The following CCDC14 variants were observed in gnomAD, a reference collection of about 807,000 sequenced individuals.
The protein encoded by CCDC14 is coiled-coil domain containing 14, also known as coiled-coil domain-containing protein 14.
In CCDC14, 71 loss-of-function variants were observed where a neutral mutation model predicts 81.4. The observed-to-expected ratio is 0.87, with a 90% confidence interval of 0.72 to 1.06. CCDC14 has a LOEUF of 1.06. Among genes scored for constraint, CCDC14 ranks in the 50% least tolerant of loss-of-function variants. The probability of loss-of-function intolerance (pLI) is 0.00; values close to 1 mark genes in which losing one functional copy is unlikely to be tolerated. For missense variants in CCDC14, 1,046 were observed against 1,047.3 expected (o/e 1.00, Z 0.02); for synonymous variants, 332 against 364.8 (o/e 0.91, Z 1.03).
At position 123,914,881 on chromosome 3, in the gene CCDC14, G is replaced by C. The variant is rs760018945; in HGVS notation, c.2616C>G (p.Phe872Leu). Reference sequence around the variant, plus strand: ...TGAAGTCTTGTTCATCACGAGAAGTGAACGTTGAAAACGAAGAGATGCTCC... The same window carrying C: ...TGAAGTCTTGTTCATCACGAGAAGTCAACGTTGAAAACGAAGAGATGCTCC... ...SDWSISSFSTFTSRDEQDFRN... is the reference protein window; with the variant it reads ...SDWSISSFSTLTSRDEQDFRN... The change falls in exon 13 of 13, where the codon TTC (phenylalanine) becomes TTG (leucine). Residue 872 changes from phenylalanine to leucine, a missense_variant. Phe to Leu is a conservative substitution (Grantham distance 22). Transcript: ENST00000409697. The C allele has an allele frequency of 1.9e-5, 30 of 1,613,396 alleles. No homozygotes were observed. The highest frequency in any genetic ancestry group is 2.4e-5 in the Non-Finnish European group (28 of 1,179,706).
In CCDC14 at chr3:123,933,809, T is replaced by C. The variant is rs181151838; in HGVS notation, c.1344-54A>G. 2.9e-3 allele frequency: 3,459 copies of C among 1,177,496 alleles called. 16 individuals carry two copies. Among genetic ancestry groups the C allele is most frequent in the Non-Finnish European group, 2.5e-3 (2,041 of 808,904 alleles). The allele number at this position is 1,177,496 out of a possible 1,614,324, so 72.9% of individuals were successfully genotyped here. A position where few individuals can be genotyped will look rare whatever the true frequency, so the allele number is the denominator to read the frequency against. ...CAAGCATACCAAGCCAATTTAATAG[T>C]ATACATGTGATAGCCTATCAAAAAA... On this transcript the variant is annotated intron_variant, in intron 9 of 12. Coordinates refer to ENST00000409697, the MANE Select transcript of CCDC14 (RefSeq NM_001366335.1).
intron 12 of CCDC14, among the ~76,000 whole-genome samples, chr3:123,923,155 A>C (rs2035152375): frequency 6.6e-6 from 1 of 152,158 alleles, no homozygotes; most frequent in African/African-American, 2.4e-5. Flanking sequence ...GATATACCAC[A>C]TTAACAGAAT....
intron 12 of CCDC14, among the ~76,000 whole-genome samples, chr3:123,925,815 G>A (rs2035329089): frequency 6.6e-6 from 1 of 152,196 alleles, no homozygotes; most frequent in South Asian, 2.1e-4. Flanking sequence ...TACAATAAGT[G>A]AGATGATGGA....
At chr3:123,915,783 T>G in intron 12 of CCDC14, 65 bp from the exon 13 acceptor site, 3 of 1,190,030 alleles carry the variant, frequency 2.5e-6, no homozygotes, top group African/African-American at 1.5e-5. Flanking sequence ...CACTTATCTA[T>G]ACCTCCATCT....
At chr3:123,955,557 G>A (rs966709066) in intron 5 of CCDC14, 3 of 193,738 alleles carry the variant, frequency 1.5e-5, no homozygotes, top group Admixed American at 6.0e-5. Context: ...CAAGTGGCAG[G>A]GGAAACTAAG....
At chr3:123,933,490 G>T in intron 10 of CCDC14, 183 bp downstream of exon 10, 1 of 576,432 alleles carries the variant, frequency 1.7e-6, no homozygotes, top group Non-Finnish European at 3.1e-6. Flanking sequence ...ACACACTCCT[G>T]TATTTCAAAA....
At position 123,915,021 on chromosome 3, in the gene CCDC14, G is replaced by A; in HGVS notation, c.2476C>T (p.Pro826Ser). ...CCATGACATGCAGTTTGTTCCTCTG[G>A]CTCCTTGGTGGCAGCAGGGATCTTA... The part of the protein sequence containing the change: ...IGKIPAATKE[P>S]EEQTACHGPS... The change falls in exon 13 of 13, where the codon CCA becomes TCA. Residue 826 changes from proline (P) to serine (S), a missense_variant. Transcript: ENST00000409697. 1.2e-6 allele frequency: 2 copies of A among 1,613,878 alleles called. No individual in the cohort carries two copies. Among genetic ancestry groups the A allele is most frequent in the East Asian group, 2.2e-5 (1 of 44,898 alleles).
At position 123,915,648 on chromosome 3, in the gene CCDC14, T is replaced by G; in HGVS notation, c.1849A>C (p.Asn617His). 6.2e-7 allele frequency: 1 copy of G among 1,614,004 alleles called. No homozygotes were observed. Among genetic ancestry groups the G allele is most frequent in the Non-Finnish European group, 8.5e-7 (1 of 1,179,888 alleles). ...TTCAAGAGTGATTTGGTAAGGTTAT[T>G]CCCAGGCTTGCAGCGAGCACTGTCC... Reference protein sequence around the residue: ...SVDSARCKPGNNLTKSLLNIH... With the variant: ...SVDSARCKPGHNLTKSLLNIH... Residue 617 changes from asparagine (N) to histidine (H), a missense_variant, in exon 13 of 13, where the codon AAT becomes CAT. By Grantham distance (68) the Asn-to-His change is moderately conservative (BLOSUM62 1). Transcript: ENST00000409697.
chr3:123,897,705 C>T (rs2034095498), intron 5 of CCDC14: 3 of 581,422 alleles, frequency 5.2e-6, no homozygotes, highest in South Asian at 4.5e-5. Context: ...CCTTCATATT[C>T]TACTTTTATA....
At chr3:123,931,272 A>G in intron 11 of CCDC14, 36 bp downstream of exon 11, 1 of 1,582,808 alleles carries the variant, frequency 6.3e-7, no homozygotes, top group Non-Finnish European at 8.6e-7. Context: ...TATTCCTTTT[A>G]AAAGATGTGA....
At chr3:123,956,609 GA>G (rs1278670097) in intron 2 of CCDC14, 130 bp downstream of exon 2, 4 of 779,352 alleles carry the variant, frequency 5.1e-6, no homozygotes, top group African/African-American at 1.8e-5. Context: ...GGGTAGACAT[GA>G]AAAATTGTTC....
chr3:123,898,118 C>T (rs1001813786), intron 5 of CCDC14, among the ~76,000 whole-genome samples: 2 of 152,166 alleles, frequency 1.3e-5, no homozygotes, highest in Non-Finnish European at 2.9e-5. Flanking sequence ...TTAGTGTGAA[C>T]ATCTGAGTCA....
rs533103763 is a variant in CCDC14, at chr3:123,906,111, T to C, written c.668-8498A>G. Among the ~76,000 whole-genome samples, 5 of 152,058 alleles carry C rather than the reference T, an allele frequency of 3.3e-5. No homozygotes were observed. In the East Asian group the frequency reaches 9.7e-4, roughly 30 times the overall value. ...TTGGGAGGCCAAGGCGGGTGGATCA[T>C]GAGGTCAGGAGATCGAGACCATCCT... On this transcript the variant is annotated intron_variant, in intron 5 of 5. Transcript: ENST00000479903.
rs149651238 is a variant in CCDC14, at chr3:123,933,728, G to A, written c.1371C>T (p.Leu457=). 666 of 1,572,198 alleles carry A rather than the reference G, an allele frequency of 4.2e-4. 1 individual carries two copies. The African/African-American group carries it at 8.4e-3, about 20-fold the overall frequency. ...RRQLRILNQQ[L]REQQKTQKPS... ...GTTTTTGAGTTTTCTGTTGTTCTCT[G>A]AGTTGCTGGTTCAAAATTCTCAACT... The change falls in exon 10 of 13, where the codon CTC becomes CTT. Residue 457 remains leucine (L), a synonymous_variant. Coordinates refer to ENST00000409697, the MANE Select transcript of CCDC14 (RefSeq NM_001366335.1).
the CCDC14 span, among the ~76,000 whole-genome samples, chr3:123,891,320 T>G: frequency 5.9e-5 from 9 of 152,238 alleles, no homozygotes; most frequent in African/African-American, 2.2e-4. Context: ...GCAGCAGGCT[T>G]GAATTTCTCC....
intron 12 of CCDC14, among the ~76,000 whole-genome samples, chr3:123,917,388 G>A (rs1278585385): frequency 4.0e-5 from 6 of 151,124 alleles, no homozygotes; most frequent in Non-Finnish European, 7.4e-5. Context: ...CCAGCTGCTC[G>A]GCAGGCTGAG....
chr3:123,885,489 T>TA, the CCDC14 span, among the ~76,000 whole-genome samples: 3 of 151,552 alleles, frequency 2.0e-5, no homozygotes, highest in African/African-American at 7.3e-5. Flanking sequence ...TTTTTTTTTT[T>TA]AATTTGATTT....
At position 123,949,133 on chromosome 3, in the gene CCDC14, C is replaced by G. The variant is rs1238254189; in HGVS notation, c.353-1G>C. The G allele has an allele frequency of 6.4e-7, 1 of 1,558,892 alleles. No homozygotes were observed. The highest frequency in any genetic ancestry group is 1.2e-5 in the South Asian group (1 of 86,686). ...ATCTGTTTCTTATTATCTGAAGATG[C>G]TAATGTGGAAGAAGAAAAAAGTTCT... is the stretch of plus-strand genomic sequence containing the variant. On this transcript the variant is annotated splice_acceptor_variant, in intron 5 of 12. Transcript: ENST00000409697. LOFTEE classifies it high-confidence loss of function.
chr3:123,915,214 C>A lies in CCDC14; in HGVS notation c.2283G>T (p.Gln761His). Residue 761 changes from glutamine (Q) to histidine (H), a missense_variant, in exon 13 of 13, where the codon CAG becomes CAT. Transcript: ENST00000409697. Reference sequence around the variant, plus strand: ...CAGCAAGTCCGCTGTTGCTGACTAGCTGTGTTGTAGCTGCTCTTATTTGTG... The same window carrying A: ...CAGCAAGTCCGCTGTTGCTGACTAGATGTGTTGTAGCTGCTCTTATTTGTG... ...PQPQIRAATTQLVSNSGLAVS... is the reference protein window; with the variant it reads ...PQPQIRAATTHLVSNSGLAVS... 3.1e-6 allele frequency: 5 copies of A among 1,613,724 alleles called. No individual in the cohort carries two copies. The highest frequency in any genetic ancestry group is 4.2e-6 in the Non-Finnish European group (5 of 1,179,746).
Sources: allele counts gnomAD v4.1 joint callset (sites outside exome capture counted in the v4.1 genomes callset), GRCh38; gene constraint gnomAD v4.1.1; transcripts MANE v1.5; gene names NCBI Gene and HGNC (gene_info 2026-07-23, HGNC 2026-07-21).